The following HERC1 variants were observed in gnomAD, a reference collection of about 807,000 sequenced individuals.
The protein encoded by HERC1 is probable E3 ubiquitin-protein ligase HERC1.
Under a neutral mutation model 554.3 loss-of-function variants are expected in HERC1, and 160 were observed. The ratio of observed to expected loss-of-function variants is 0.29; its 90% CI spans 0.25 to 0.33. The LOEUF is 0.33. Ranked by LOEUF, HERC1 falls within the 10% of genes least tolerant of loss-of-function variation. The pLI is 1.00. For synonymous variants in HERC1, 2,175 were observed against 2,131.7 expected (o/e 1.02, Z -0.56); for missense variants, 4,919 against 5,918.5 (o/e 0.83, Z 5.54).
At position 63,654,123 on chromosome 15, in the gene HERC1, T is replaced by A; in HGVS notation, c.10286A>T (p.Asn3429Ile). The A allele has an allele frequency of 6.2e-7, 1 of 1,610,358 alleles. No homozygotes were observed. The highest frequency in any genetic ancestry group is 8.5e-7 in the Non-Finnish European group (1 of 1,176,596). Residue 3429 changes from asparagine (N) to isoleucine (I), a missense_variant, in exon 51 of 78, where the codon AAC (asparagine) becomes ATC (isoleucine). By Grantham distance (149) the Asn-to-Ile change is moderately radical. Around this residue, in one of 11 missense-constraint regions of HERC1, gnomAD observed 1,963 missense variants for 2,228.6 expected, o/e 0.88. Transcript: ENST00000443617. The part of the protein sequence containing the change: ...CSFIKLEAHQ[N>I]RVMTCVWCNK... Reference sequence around the variant, plus strand: ...CTTTCCACTCAAAATACTTACTCTGTTCTGATGAGCCTCCAATTTGATAAA... The same window carrying A: ...CTTTCCACTCAAAATACTTACTCTGATCTGATGAGCCTCCAATTTGATAAA...
intron 24 of HERC1, among the ~76,000 whole-genome samples, chr15:63,710,951 T>C (rs1261818851): frequency 1.3e-5 from 2 of 152,138 alleles, no homozygotes; most frequent in Non-Finnish European, 2.9e-5. Flanking sequence ...TATAGACCCC[T>C]GTAAGGACTT....
At chr15:63,641,383 T>C (rs2069053608) in intron 60 of HERC1, 87 bp downstream of exon 60, 5 of 1,162,072 alleles carry the variant, frequency 4.3e-6, no homozygotes, top group East Asian at 2.5e-5. Context: ...TCAGACCTCA[T>C]GCTTTTAAGG....
At chr15:63,658,522 T>C (rs1442574091) in intron 48 of HERC1, 22 bp downstream of exon 48, 32 of 1,589,962 alleles carry the variant, frequency 2.0e-5, no homozygotes, top group East Asian at 6.8e-5. Context: ...CTTAGCATCA[T>C]GTGACATAAA....
At chr15:63,634,258 A>AT in intron 66 of HERC1, among the ~76,000 whole-genome samples, 1 of 152,368 alleles carries the variant, frequency 6.6e-6, no homozygotes, top group African/African-American at 2.4e-5. Flanking sequence ...AAAAATATTC[A>AT]TTCATATCAA....
At position 63,774,689 on chromosome 15, in the gene HERC1, C is replaced by G; in HGVS notation, c.930+5G>C. The G allele has an allele frequency of 6.3e-7, 1 of 1,582,196 alleles. No individual in the cohort carries two copies. The highest frequency in any genetic ancestry group is 8.6e-7 in the Non-Finnish European group (1 of 1,164,726). On this transcript the variant is annotated splice_donor_5th_base_variant and intron_variant, in intron 2 of 77. Coordinates refer to ENST00000443617, the MANE Select transcript of HERC1 (RefSeq NM_003922.4). ...AACTTTAAAGTTGAGACTTATAGTA[C>G]GTACCAAAGAACGCCTCATCTGCAT... is the stretch of plus-strand genomic sequence containing the variant.
intron 1 of HERC1, among the ~76,000 whole-genome samples, chr15:63,781,366 G>A (rs1490564415): frequency 2.0e-5 from 3 of 152,100 alleles, no homozygotes; most frequent in South Asian, 2.1e-4. Context: ...CCAAAAGTAC[G>A]TGTTCACTTC....
chr15:63,748,750 A>C (rs1455169850), intron 10 of HERC1, among the ~76,000 whole-genome samples: 2 of 152,200 alleles, frequency 1.3e-5, no homozygotes. Flanking sequence ...AAGGCATAGA[A>C]TGCAAATAAA....
chr15:63,816,412 C>T (rs1044796000), intron 1 of HERC1, among the ~76,000 whole-genome samples: 2 of 152,164 alleles, frequency 1.3e-5, no homozygotes, highest in African/African-American at 4.8e-5. Flanking sequence ...TTTTATTAAT[C>T]TGATTCACAC....
chr15:63,714,854 G>A (rs761150095), intron 22 of HERC1, among the ~76,000 whole-genome samples: 15 of 151,728 alleles, frequency 9.9e-5, no homozygotes, highest in East Asian at 1.9e-4. Flanking sequence ...GCCCAAAGAC[G>A]GTATTCTTAA....
At chr15:63,676,584 C>T (rs1424578961) in intron 37 of HERC1, among the ~76,000 whole-genome samples, 1 of 151,958 alleles carries the variant, frequency 6.6e-6, no homozygotes, top group Non-Finnish European at 1.5e-5. Flanking sequence ...TGGTGAAACC[C>T]TGTCTCTACA....
chr15:63,785,469 T>C (rs1407619136), intron 1 of HERC1, among the ~76,000 whole-genome samples: 3 of 151,688 alleles, frequency 2.0e-5, no homozygotes. Flanking sequence ...AAAAACAAAA[T>C]AAACTTTAAG....
Position 63,718,641 on chromosome 15 carries a change from C to T in HERC1, c.3911G>A (p.Arg1304Gln), listed in dbSNP as rs1191941942. 3 of 1,595,430 alleles carry T rather than the reference C, an allele frequency of 1.9e-6. No individual in the cohort carries two copies. The highest frequency in any genetic ancestry group is 1.3e-5 in the African/African-American group (1 of 74,744). The change falls in exon 21 of 78, where the codon CGA becomes CAA. Residue 1304 changes from arginine to glutamine, a missense_variant. By Grantham distance (43) the Arg-to-Gln change is conservative. Transcript: ENST00000443617. This position sits in a 1 kb window ranked among gnomAD's most constrained non-coding sequence, Gnocchi z 4.2. Reference protein sequence around the residue: ...SEVYRCVYKVRSRLLACKNLE... With the variant: ...SEVYRCVYKVQSRLLACKNLE... ...GTTCTTGCAAGCAAGTAAACGACTT[C>T]GAACTTTGTATACACAACGGTACAC...
chr15:63,609,034 G>A lies in HERC1; in HGVS notation c.*47C>T, dbSNP rs1166584982. ...AAAGTATATCAACATCAAATCAGAA[G>A]TGAGCATTATTGAGGGAGAGAAGGG... On this transcript the variant is annotated 3_prime_UTR_variant, in exon 78 of 78. Coordinates refer to ENST00000443617, the MANE Select transcript of HERC1 (RefSeq NM_003922.4). 4 of 1,535,970 alleles carry A rather than the reference G, an allele frequency of 2.6e-6. No homozygotes were observed. Among genetic ancestry groups the A allele is most frequent in the East Asian group, 2.3e-5 (1 of 43,784 alleles).
rs546553936 is a variant in HERC1 at position 63,773,798 on chromosome 15, C to A, written c.930+896G>T. On this transcript the variant is annotated intron_variant, in intron 2 of 77. Transcript: ENST00000443617. ...GCCTCAAGTGATCCACCCTCCTGAG[C>A]TTCCCAAAAGTGCTGGGATTACAGG... Among the ~76,000 whole-genome samples the A allele has an allele frequency of 2.0e-4, 30 of 152,212 alleles. No individual in the cohort carries two copies. In the East Asian group the frequency reaches 5.4e-3, roughly 28 times the overall value.
chr15:63,625,625 C>G (rs1167715800), intron 71 of HERC1, among the ~76,000 whole-genome samples: 1 of 147,238 alleles, frequency 6.8e-6, no homozygotes, highest in African/African-American at 2.5e-5. Flanking sequence ...ACCCAAGAGG[C>G]AGAGGTTGCA....
intron 61 of HERC1, 98 bp from the exon 62 acceptor site, chr15:63,638,874 A>C: frequency 1.2e-6 from 1 of 816,282 alleles, no homozygotes; most frequent in Admixed American, 2.1e-5. Context: ...TCTTATTTCC[A>C]AAAAAGAATA....
At chr15:63,663,809 T>C (rs1052952614) in intron 43 of HERC1, among the ~76,000 whole-genome samples, 7 of 152,206 alleles carry the variant, frequency 4.6e-5, no homozygotes, top group Admixed American at 2.6e-4. Context: ...ACTATTCTTT[T>C]AGGTTTTAAA....
intron 1 of HERC1, among the ~76,000 whole-genome samples, chr15:63,797,775 T>C (rs1567137964): frequency 6.6e-6 from 1 of 152,236 alleles, no homozygotes; most frequent in Admixed American, 6.5e-5. Context: ...GATTACAAAA[T>C]GTTTACTGTA....
intron 23 of HERC1, 48 bp from the exon 24 acceptor site, chr15:63,712,943 G>A (rs1251614501): frequency 1.3e-6 from 2 of 1,554,804 alleles, no homozygotes; most frequent in African/African-American, 1.4e-5. Context: ...AGGACTGTTA[G>A]TGAACATAAA....
Sources: allele counts gnomAD v4.1 joint callset (sites outside exome capture counted in the v4.1 genomes callset), GRCh38; gene constraint gnomAD v4.1.1; regional missense constraint gnomAD v4.1.1; non-coding constraint Gnocchi (gnomAD v3.1); transcripts MANE v1.5; gene names NCBI Gene and HGNC (gene_info 2026-07-23, HGNC 2026-07-21).